APBA1: variants seen among roughly 807,000 people sequenced by gnomAD.
The protein encoded by APBA1 is amyloid-beta A4 precursor protein-binding family A member 1.
APBA1 carries 55 observed loss-of-function variants against 86.6 expected under a neutral mutation model. That is an observed-to-expected ratio of 0.64 (90% CI 0.51 to 0.80). The LOEUF (loss-of-function observed/expected upper bound fraction) is 0.80. Ranked by LOEUF, APBA1 falls within the 30% of genes least tolerant of loss-of-function variation. APBA1 has a pLI of 0.00. For missense variants in APBA1, 1,090 were observed against 1,183.0 expected (o/e 0.92, Z 1.15); for synonymous variants, 511 against 493.9 (o/e 1.03, Z -0.46).
At chr9:69,614,232 C>CA (rs1197327230) in intron 1 of APBA1, among the ~76,000 whole-genome samples, 1 of 152,150 alleles carries the variant, frequency 6.6e-6, no homozygotes, top group Admixed American at 6.5e-5. Flanking sequence ...TGGGCTTCCC[C>CA]AGCATCAAAA....
chr9:69,578,989 T>G (rs1484231928), intron 1 of APBA1, among the ~76,000 whole-genome samples: 1 of 151,962 alleles, frequency 6.6e-6, no homozygotes, highest in Non-Finnish European at 1.5e-5. Context: ...TTTTACTGAG[T>G]AAAAGAGGGT....
In APBA1 at chr9:69,516,963, C is replaced by T. The variant is rs1231235984; in HGVS notation, c.248G>A (p.Ser83Asn). The T allele has an allele frequency of 6.3e-7, 1 of 1,592,540 alleles. No homozygotes were observed. The highest frequency in any genetic ancestry group is 8.5e-7 in the Non-Finnish European group (1 of 1,176,378). The change falls in exon 2 of 13, where the codon AGC becomes AAC. Residue 83 changes from serine (S) to asparagine (N), a missense_variant. This residue lies in a region of APBA1 where 678 missense variants were observed against 647.1 expected (regional missense o/e 1.05). Coordinates refer to ENST00000265381, the MANE Select transcript of APBA1 (RefSeq NM_001163.4). This position sits in a 1 kb window ranked among gnomAD's most constrained non-coding sequence, Gnocchi z 7.3. ...ECLARSASTE[S>N]GFHNHTDTAE... is the part of the protein sequence containing the mutation. ...GGTGTCCGTGTGGTTGTGGAAGCCG[C>T]TCTCCGTGCTGGCTGAGCGCGCCAG...
At chr9:69,457,804 C>A (rs1184869447) in intron 6 of APBA1, among the ~76,000 whole-genome samples, 16 of 152,136 alleles carry the variant, frequency 1.1e-4, no homozygotes, top group Admixed American at 1.0e-3. Flanking sequence ...TTGCATCCAG[C>A]AATCTGACAA....
At chr9:69,656,409 A>G (rs1467560974) in intron 1 of APBA1, among the ~76,000 whole-genome samples, 1 of 152,236 alleles carries the variant, frequency 6.6e-6, no homozygotes, top group Non-Finnish European at 1.5e-5. Flanking sequence ...TAAACAGCAA[A>G]AAAGGAATGA....
At chr9:69,540,506 T>A (rs147636162) in intron 1 of APBA1, among the ~76,000 whole-genome samples, 1 of 152,168 alleles carries the variant, frequency 6.6e-6, no homozygotes, top group African/African-American at 2.4e-5. Flanking sequence ...CAAAACTTTA[T>A]ACCTGTTGAA....
intron 10 of APBA1, among the ~76,000 whole-genome samples, chr9:69,445,497 A>G (rs956095195): frequency 2.0e-5 from 3 of 152,106 alleles, no homozygotes; most frequent in African/African-American, 7.2e-5. Flanking sequence ...CCCAGAGAAG[A>G]GGGGCGAAGA....
At chr9:69,654,556 T>C (rs1168730207) in intron 1 of APBA1, among the ~76,000 whole-genome samples, 1 of 152,088 alleles carries the variant, frequency 6.6e-6, no homozygotes, top group East Asian at 1.9e-4. Flanking sequence ...ATTGAAGCAG[T>C]AATAAAATGT....
At chr9:69,631,747 T>C (rs1325372497) in intron 1 of APBA1, among the ~76,000 whole-genome samples, 1 of 152,172 alleles carries the variant, frequency 6.6e-6, no homozygotes, top group East Asian at 1.9e-4. Context: ...TGAGTTCATG[T>C]CCTTTGTAGG....
intron 1 of APBA1, among the ~76,000 whole-genome samples, chr9:69,607,453 G>T (rs750023428): frequency 6.6e-6 from 1 of 152,050 alleles, no homozygotes; most frequent in Admixed American, 6.6e-5. Flanking sequence ...AATTCAATAC[G>T]AGATTTGGGC....
intron 2 of APBA1, among the ~76,000 whole-genome samples, chr9:69,497,889 T>A (rs113812522): frequency 0.014 from 2,111 of 152,150 alleles, 51 homozygotes; most frequent in African/African-American, 0.048. Context: ...GAGTTCGGAA[T>A]GGTTGACAAG....
rs146587066 is a variant in APBA1 at position 69,502,565 on chromosome 9, C to T, written c.1200+13446G>A. On this transcript the variant is annotated intron_variant, in intron 2 of 12. Transcript: ENST00000265381. ...TAGGTTCTCACAGTTCATAGAAAAA[C>T]GTCTCATTTTGTTGTTGTTATTGAC... Among the ~76,000 whole-genome samples, 484 of 152,096 alleles carry T rather than the reference C, an allele frequency of 3.2e-3. 3 individuals carry two copies. Among genetic ancestry groups the T allele is most frequent in the African/African-American group, 0.011 (457 of 41,516 alleles).
intron 1 of APBA1, among the ~76,000 whole-genome samples, chr9:69,584,853 A>T (rs1821987093): frequency 6.6e-6 from 1 of 152,228 alleles, no homozygotes. Flanking sequence ...TGATCATTTC[A>T]TTATGTCCAG....
chr9:69,517,394 T>G (rs968319557), intron 1 of APBA1, 115 bp from the exon 2 acceptor site: 16 of 1,094,368 alleles, frequency 1.5e-5, no homozygotes, highest in Non-Finnish European at 1.9e-5. Context: ...CTGGGTCAAT[T>G]AAAAAAAGAC....
intron 2 of APBA1, among the ~76,000 whole-genome samples, chr9:69,499,306 C>A (rs1330739647): frequency 1.3e-5 from 2 of 151,982 alleles, no homozygotes; most frequent in Admixed American, 1.3e-4. Context: ...CACATTCCAG[C>A]CAAGAATTGA....
Position 69,449,965 on chromosome 9 carries a change from A to G in APBA1, c.1969-169T>C, listed in dbSNP as rs559381318. 2.3e-3 allele frequency among the ~76,000 whole-genome samples: 351 copies of G among 152,136 alleles called. 1 individual carries two copies. Among genetic ancestry groups the G allele is most frequent in the Non-Finnish European group, 4.2e-3 (283 of 68,002 alleles). On this transcript the variant is annotated intron_variant, in intron 9 of 12. Coordinates refer to ENST00000265381, the MANE Select transcript of APBA1 (RefSeq NM_001163.4). ...GCATTCCGCATATTTGGAGTTTTTA[A>G]GAAATGAATTCACACAGGTCTACAC...
intron 2 of APBA1, among the ~76,000 whole-genome samples, chr9:69,512,836 A>G (rs184985532): frequency 9.8e-5 from 15 of 152,324 alleles, no homozygotes; most frequent in Non-Finnish European, 1.3e-4. Flanking sequence ...TGCATTTCTA[A>G]TAAGTACCAC....
intron 1 of APBA1, among the ~76,000 whole-genome samples, chr9:69,541,424 T>G (rs538355784): frequency 4.6e-5 from 7 of 152,322 alleles, no homozygotes; most frequent in African/African-American, 1.7e-4. Context: ...GATATCTCAT[T>G]GTAGTTTTGA....
At chr9:69,638,669 T>C (rs1823226998) in intron 1 of APBA1, among the ~76,000 whole-genome samples, 1 of 152,240 alleles carries the variant, frequency 6.6e-6, no homozygotes, top group Non-Finnish European at 1.5e-5. Flanking sequence ...CACTCAGGTA[T>C]CAAGTCAGCA....
intron 11 of APBA1, among the ~76,000 whole-genome samples, chr9:69,439,252 G>A (rs1290871399): frequency 1.6e-5 from 2 of 128,648 alleles, no homozygotes; most frequent in African/African-American, 3.1e-5. Flanking sequence ...TGACAATTAT[G>A]TGTCTTGGAG....
Sources: allele counts gnomAD v4.1 joint callset (sites outside exome capture counted in the v4.1 genomes callset), GRCh38; gene constraint gnomAD v4.1.1; regional missense constraint gnomAD v4.1.1; non-coding constraint Gnocchi (gnomAD v3.1); transcripts MANE v1.5; gene names NCBI Gene and HGNC (gene_info 2026-07-23, HGNC 2026-07-21).